The following SLC6A6 variants were observed in gnomAD, a reference collection of about 807,000 sequenced individuals.
The protein encoded by SLC6A6 is solute carrier family 6 member 6, also known as sodium- and chloride-dependent taurine transporter.
A neutral mutation model predicts 68.8 loss-of-function variants in SLC6A6; 16 were observed. The observed-to-expected ratio is 0.23, with a 90% CI of 0.16 to 0.35. SLC6A6 has a LOEUF of 0.35. SLC6A6 is among the 10% of genes least tolerant of loss of function. SLC6A6 has a pLI of 1.00. For missense variants in SLC6A6, 474 were observed against 802.8 expected, an observed-to-expected ratio of 0.59 and a Z score of 4.95; for synonymous variants, 312 against 315.4, an observed-to-expected ratio of 0.99 and a Z score of 0.12.
At position 14,477,830 on chromosome 3, in the gene SLC6A6, G is replaced by C. The variant is rs893390549; in HGVS notation, c.1347+488G>C. ...ACATACACTATTCAGAGGGTGAGCA[G>C]GGGCCAGGAGGAGGGGCGATTTCAG... On this transcript the variant is annotated intron_variant, in intron 11 of 14. Transcript: ENST00000622186. This position sits in a 1 kb window ranked among gnomAD's most constrained non-coding sequence, Gnocchi z 4.2. Among the ~76,000 whole-genome samples the C allele has an allele frequency of 6.6e-6, 1 of 152,172 alleles. No homozygotes were observed. The highest frequency in any genetic ancestry group is 2.4e-5 in the African/African-American group (1 of 41,454).
intron 2 of SLC6A6, among the ~76,000 whole-genome samples, chr3:14,421,127 TG>T (rs1476579373): frequency 3.9e-5 from 6 of 152,206 alleles, no homozygotes; most frequent in Non-Finnish European, 4.4e-5. Flanking sequence ...GGCACCTCCC[TG>T]GGGAGCTCCT....
chr3:14,451,953 T>G (rs1319030787), intron 5 of SLC6A6, among the ~76,000 whole-genome samples: 4 of 152,192 alleles, frequency 2.6e-5, no homozygotes, highest in Non-Finnish European at 5.9e-5. Context: ...TTCACTTCTC[T>G]TATATGCCCC....
At chr3:14,459,883 CTTTTTTTTTTTT>C (rs869191764) in intron 6 of SLC6A6, among the ~76,000 whole-genome samples, 11 of 40,190 alleles carry the variant, frequency 2.7e-4, no homozygotes, top group East Asian at 7.1e-4. Context: ...TAATTCTCTT[CTTTTTTTTTTTT>C]TTTTTTTTTT....
intron 5 of SLC6A6, among the ~76,000 whole-genome samples, chr3:14,454,897 C>G (rs1416765344): frequency 6.6e-6 from 1 of 152,180 alleles, no homozygotes; most frequent in African/African-American, 2.4e-5. Flanking sequence ...ATGCACTGTT[C>G]TTCACCTTGC....
chr3:14,429,646 G>C (rs964920041), intron 2 of SLC6A6, among the ~76,000 whole-genome samples: 19 of 152,208 alleles, frequency 1.2e-4, no homozygotes, highest in African/African-American at 4.1e-4. Context: ...GATTCACCTG[G>C]GAAGCTGGTT....
At chr3:14,404,920 G>A (rs899895013) in intron 1 of SLC6A6, among the ~76,000 whole-genome samples, 13 of 152,200 alleles carry the variant, frequency 8.5e-5, no homozygotes, top group Admixed American at 1.3e-4. Flanking sequence ...CCTCCTTCCC[G>A]TCACCTCAAC....
In SLC6A6 at chr3:14,440,135, C is replaced by G. The variant is rs536230803; in HGVS notation, c.-11-3489C>G. ...TTCTAAGCACCTCCTGTGCACCCCC[C>G]CTCATTTAACCCTCACAACACTCCC... On this transcript the variant is annotated intron_variant, in intron 2 of 14. Coordinates refer to ENST00000622186, the MANE Select transcript of SLC6A6 (RefSeq NM_003043.6). Among the ~76,000 whole-genome samples the G allele has an allele frequency of 3.3e-4, 50 of 152,262 alleles. 1 individual carries two copies. In the South Asian group the frequency reaches 0.01, roughly 32 times the overall value.
rs369383563 is a variant in SLC6A6, at chr3:14,481,810, G to A, written c.1691G>A (p.Arg564His). Reference sequence around the variant, plus strand: ...TGCGTTCCCTTGGTCATCGTCATCCGCCTCTGCCAGACTGAGGGGCCGTTC... The same window carrying A: ...TGCGTTCCCTTGGTCATCGTCATCCACCTCTGCCAGACTGAGGGGCCGTTC... ...MLCVPLVIVI[R>H]LCQTEGPFLV... Residue 564 changes from arginine (R) to histidine (H), a missense_variant, in exon 14 of 15, where the codon CGC (arginine) becomes CAC (histidine). Physicochemically the swap from Arg to His is conservative, Grantham distance 29. This residue lies in a region of SLC6A6 where 194 missense variants were observed against 269.8 expected (regional missense o/e 0.72). Transcript: ENST00000622186. This position sits in a 1 kb window ranked among gnomAD's most constrained non-coding sequence, Gnocchi z 4.7. The A allele has an allele frequency of 7.4e-6, 12 of 1,614,078 alleles. No individual in the cohort carries two copies. Among genetic ancestry groups the A allele is most frequent in the East Asian group, 2.2e-5 (1 of 44,870 alleles).
intron 1 of SLC6A6, among the ~76,000 whole-genome samples, chr3:14,414,152 C>T (rs1190379530): frequency 6.6e-6 from 1 of 152,230 alleles, no homozygotes; most frequent in African/African-American, 2.4e-5. Context: ...CTCCGGGTCT[C>T]TCTATGCCTG....
In SLC6A6 at chr3:14,402,613, G is replaced by T. The variant is rs1699008050; in HGVS notation, c.-288G>T. On this transcript the variant is annotated 5_prime_UTR_variant, in exon 1 of 15. Coordinates refer to ENST00000622186, the MANE Select transcript of SLC6A6 (RefSeq NM_003043.6). The surrounding 1 kb of genome is among the most constrained non-coding windows in gnomAD (Gnocchi z 4.8). The stretch of plus-strand genomic sequence containing the variant: ...AGCAGGATGGGTGATGCTGAGAGCT[G>T]CCTGCTCAGACAACAGACACGCGAG... 1 of 397,726 alleles carries T rather than the reference G, an allele frequency of 2.5e-6. No individual in the cohort carries two copies. Among genetic ancestry groups the T allele is most frequent in the African/African-American group, 2.1e-5 (1 of 48,538 alleles). The allele number at this position is 397,726 out of a possible 1,614,324, so 24.6% of individuals were successfully genotyped here. A position where few individuals can be genotyped will look rare whatever the true frequency, so the allele number is the denominator to read the frequency against.
intron 1 of SLC6A6, among the ~76,000 whole-genome samples, chr3:14,404,765 C>T (rs999029836): frequency 2.0e-5 from 3 of 152,204 alleles, no homozygotes; most frequent in Non-Finnish European, 2.9e-5. Context: ...AAGCCGGGCT[C>T]GGCTGTAGAG....
At chr3:14,462,195 C>G (rs1179582057) in intron 6 of SLC6A6, among the ~76,000 whole-genome samples, 2 of 152,220 alleles carry the variant, frequency 1.3e-5, no homozygotes, top group Non-Finnish European at 2.9e-5. Context: ...GCATGGCTCT[C>G]AGGGGCTTGT....
intron 2 of SLC6A6, among the ~76,000 whole-genome samples, chr3:14,420,967 T>C (rs191151495): frequency 1.3e-5 from 2 of 152,356 alleles, no homozygotes; most frequent in Admixed American, 6.5e-5. Flanking sequence ...CACGTTGGTC[T>C]AAGCAAGAAG....
At chr3:14,429,680 C>T (rs1699679994) in intron 2 of SLC6A6, among the ~76,000 whole-genome samples, 1 of 152,184 alleles carries the variant, frequency 6.6e-6, no homozygotes, top group Non-Finnish European at 1.5e-5. Flanking sequence ...TCGTGGGCCC[C>T]CACCTTGAAA....
intron 2 of SLC6A6, among the ~76,000 whole-genome samples, chr3:14,435,792 A>G (rs1226010156): frequency 1.3e-5 from 2 of 152,250 alleles, no homozygotes; most frequent in African/African-American, 2.4e-5. Context: ...GTGTGTGCAT[A>G]TAAACCAGAT....
chr3:14,455,050 A>G (rs1268565020), intron 5 of SLC6A6, among the ~76,000 whole-genome samples: 1 of 152,130 alleles, frequency 6.6e-6, no homozygotes, highest in African/African-American at 2.4e-5. Flanking sequence ...GTCATTTCCA[A>G]TCTTTCACTC....
At position 14,466,623 on chromosome 3, in the gene SLC6A6, T is replaced by C; in HGVS notation, c.840T>C (p.Pro280=). ...CAGGCATCAAGTTCTATCTGTATCCTGACATCACCCGCCTTGAGGACCCAC... is the reference window on the plus strand; with the variant it reads ...CAGGCATCAAGTTCTATCTGTATCCCGACATCACCCGCCTTGAGGACCCAC... ...AGAGIKFYLY[P]DITRLEDPQV... Residue 280 remains proline (P), a synonymous_variant, in exon 7 of 15, where the codon CCT becomes CCC. Coordinates refer to ENST00000622186, the MANE Select transcript of SLC6A6 (RefSeq NM_003043.6). The C allele has an allele frequency of 6.2e-7, 1 of 1,611,994 alleles. No homozygotes were observed. The highest frequency in any genetic ancestry group is 8.5e-7 in the Non-Finnish European group (1 of 1,178,644).
At position 14,481,016 on chromosome 3, in the gene SLC6A6, GA is replaced by G. The variant is rs1405589859; in HGVS notation, c.1552-652del. 6.6e-6 allele frequency among the ~76,000 whole-genome samples: 1 copy of G among 152,234 alleles called. No individual in the cohort carries two copies. Among genetic ancestry groups the G allele is most frequent in the East Asian group, 1.9e-4 (1 of 5,186 alleles). ...GACATGGAGGGTGGCAGTGGGGGAA[GA>G]AAGGCTTTCATCTACGCTGCTAGCA... is the stretch of plus-strand genomic sequence containing the variant. On this transcript the variant is annotated intron_variant, in intron 13 of 14. Transcript: ENST00000622186. This position sits in a 1 kb window ranked among gnomAD's most constrained non-coding sequence, Gnocchi z 4.7.
rs1036895321 is a variant in SLC6A6, at chr3:14,421,952, G to T, written c.-12+5499G>T. On this transcript the variant is annotated intron_variant, in intron 2 of 14. Transcript: ENST00000622186. Reference sequence around the variant, plus strand: ...GAGGATGTCTTGGGTGCATCTTCTCGTCTCGGCTCTTGGACCCAGCAGGGG... The same window carrying T: ...GAGGATGTCTTGGGTGCATCTTCTCTTCTCGGCTCTTGGACCCAGCAGGGG... Among the ~76,000 whole-genome samples the T allele has an allele frequency of 5.3e-5, 8 of 152,268 alleles. No individual in the cohort carries two copies. The East Asian group carries it at 1.5e-3, about 29-fold the overall frequency.
Sources: allele counts gnomAD v4.1 joint callset (sites outside exome capture counted in the v4.1 genomes callset), GRCh38; gene constraint gnomAD v4.1.1; regional missense constraint gnomAD v4.1.1; non-coding constraint Gnocchi (gnomAD v3.1); transcripts MANE v1.5; gene names NCBI Gene and HGNC (gene_info 2026-07-23, HGNC 2026-07-21).